Variants in DNAJB6 observed in about 807,000 individuals in gnomAD.
The protein encoded by DNAJB6 is DnaJ heat shock protein family (Hsp40) member B6.
In DNAJB6, 16 loss-of-function variants were observed where a neutral mutation model predicts 42.7. The observed-to-expected ratio is 0.37, with a 90% CI of 0.25 to 0.57. The LOEUF (loss-of-function observed/expected upper bound fraction) is 0.57, where lower values mean the gene tolerates loss of function less well. Among genes scored for constraint, DNAJB6 ranks in the 20% least tolerant of loss-of-function variants. DNAJB6 has a pLI of 0.74. For missense variants in DNAJB6, 347 were observed against 416.8 expected, an observed-to-expected ratio of 0.83 and a Z score of 1.46; for synonymous variants, 170 against 163.5, an observed-to-expected ratio of 1.04 and a Z score of -0.30.
At chr7:157,370,324 G>A (rs770944043) in intron 5 of DNAJB6, among the ~76,000 whole-genome samples, 12 of 151,946 alleles carry the variant, frequency 7.9e-5, no homozygotes, top group Non-Finnish European at 1.2e-4. Context: ...TATTAAACGG[G>A]CCCCTTCTTA....
At chr7:157,348,562 C>T (rs1798805769) in intron 1 of DNAJB6, among the ~76,000 whole-genome samples, 1 of 152,136 alleles carries the variant, frequency 6.6e-6, no homozygotes. Flanking sequence ...GCATTCCTGT[C>T]GTTTTTGATT....
At chr7:157,392,321 CTAGTTGAT>C (rs1801385546) in intron 8 of DNAJB6, among the ~76,000 whole-genome samples, 2 of 148,874 alleles carry the variant, frequency 1.3e-5, no homozygotes, top group Non-Finnish European at 3.0e-5. Flanking sequence ...CCTTTACATG[CTAGTTGAT>C]TAGTCTTTAG....
chr7:157,381,231 T>G (rs1800750124), intron 5 of DNAJB6: 1 of 152,158 alleles, frequency 6.6e-6, no homozygotes, highest in African/African-American at 2.4e-5. Context: ...ATGTATCCAC[T>G]CCCTGCTTTG....
rs1799851119 is a variant in DNAJB6, at chr7:157,366,491, T to A, written c.176-11T>A. On this transcript the variant is annotated splice_polypyrimidine_tract_variant and intron_variant, in intron 3 of 9. Transcript: ENST00000262177. ...GAACTTGGCCTTACCGACTTTTCTTTCAATTTTTAGCTAAGAAACGGGACA... is the reference window on the plus strand; with the variant it reads ...GAACTTGGCCTTACCGACTTTTCTTACAATTTTTAGCTAAGAAACGGGACA... 9 of 1,613,838 alleles carry A rather than the reference T, an allele frequency of 5.6e-6. No individual in the cohort carries two copies. The highest frequency in any genetic ancestry group is 7.6e-6 in the Non-Finnish European group (9 of 1,179,872).
chr7:157,366,457 G>A (rs1288640618), intron 3 of DNAJB6, 45 bp from the exon 4 acceptor site: 1 of 1,561,436 alleles, frequency 6.4e-7, no homozygotes, highest in Non-Finnish European at 8.8e-7. Context: ...TGAATTAAGG[G>A]TTTAAAAGGA....
chr7:157,353,028 A>G (rs955309228), intron 1 of DNAJB6, among the ~76,000 whole-genome samples: 30 of 152,166 alleles, frequency 2.0e-4, no homozygotes, highest in Non-Finnish European at 3.4e-4. Flanking sequence ...AATTCAGTCA[A>G]TTCACTTTGA....
At chr7:157,364,014 G>A (rs555945780) in intron 3 of DNAJB6, among the ~76,000 whole-genome samples, 14 of 152,278 alleles carry the variant, frequency 9.2e-5, no homozygotes, top group African/African-American at 3.4e-4. Flanking sequence ...CCAAGGTTAG[G>A]GATGGACTAA....
At chr7:157,399,016 A>G (rs545973275) in intron 8 of DNAJB6, among the ~76,000 whole-genome samples, 2 of 152,358 alleles carry the variant, frequency 1.3e-5, no homozygotes, top group East Asian at 3.9e-4. Flanking sequence ...GTTGGCTTTC[A>G]GAAAGTGGTG....
At position 157,416,411 on chromosome 7, in the gene DNAJB6, T is replaced by A. The variant is rs946554053; in HGVS notation, c.*313T>A. On this transcript the variant is annotated 3_prime_UTR_variant, in exon 10 of 10. Transcript: ENST00000262177. ...TCGGCTACTCAACCACTCCGCATGC[T>A]GCTGGAATATTTCTGGCTTTAGAAG... is the stretch of plus-strand genomic sequence containing the variant. 6.1e-6 allele frequency: 2 copies of A among 328,184 alleles called. No homozygotes were observed. Among genetic ancestry groups the A allele is most frequent in the African/African-American group, 4.2e-5 (2 of 47,912 alleles). The allele number at this position is 328,184 out of a possible 1,614,324, so 20.3% of individuals were successfully genotyped here. A position where few individuals can be genotyped will look rare whatever the true frequency, so the allele number is the denominator to read the frequency against.
intron 3 of DNAJB6, among the ~76,000 whole-genome samples, chr7:157,363,634 C>G (rs1799714354): frequency 6.6e-6 from 1 of 152,132 alleles, no homozygotes. Flanking sequence ...TTGCTCACCC[C>G]CACTGGCTTA....
intron 8 of DNAJB6, among the ~76,000 whole-genome samples, chr7:157,389,568 C>T (rs1354759987): frequency 6.6e-6 from 1 of 152,148 alleles, no homozygotes; most frequent in Non-Finnish European, 1.5e-5. Flanking sequence ...GATTTCAAAG[C>T]CTTTGGATAT....
chr7:157,370,098 AAC>A (rs1800108467), intron 5 of DNAJB6, among the ~76,000 whole-genome samples: 1 of 149,156 alleles, frequency 6.7e-6, no homozygotes, highest in African/African-American at 2.5e-5. Context: ...ATTATTATTA[AAC>A]AGGCCCCTTC....
chr7:157,390,875 A>C (rs1236801279), intron 8 of DNAJB6, among the ~76,000 whole-genome samples: 1 of 151,962 alleles, frequency 6.6e-6, no homozygotes, highest in Non-Finnish European at 1.5e-5. Flanking sequence ...TCTCTCTCTA[A>C]CCCAGGCTGG....
chr7:157,369,856 C>T (rs575008790), intron 5 of DNAJB6, among the ~76,000 whole-genome samples: 1 of 147,828 alleles, frequency 6.8e-6, no homozygotes, highest in Non-Finnish European at 1.5e-5. Flanking sequence ...ATTAAACGGG[C>T]CCCTTCTTCA....
intron 1 of DNAJB6, among the ~76,000 whole-genome samples, chr7:157,342,331 TAA>T (rs1361921401): frequency 8.7e-6 from 1 of 115,568 alleles, no homozygotes; most frequent in Non-Finnish European, 1.7e-5. Context: ...CTATCCTGGC[TAA>T]TTTTTTTTTT....
chr7:157,404,963 T>C (rs1397806957), intron 8 of DNAJB6, among the ~76,000 whole-genome samples: 3 of 152,136 alleles, frequency 2.0e-5, no homozygotes, highest in Admixed American at 6.5e-5. Flanking sequence ...AAAGGATTGG[T>C]GTAACAGTAA....
chr7:157,394,600 A>G (rs562831005), intron 8 of DNAJB6, among the ~76,000 whole-genome samples: 94 of 152,176 alleles, frequency 6.2e-4, no homozygotes, highest in Non-Finnish European at 9.4e-4. Flanking sequence ...TTCCTCCTCT[A>G]TGGACAATTT....
chr7:157,372,937 A>G (rs959026474), intron 5 of DNAJB6, among the ~76,000 whole-genome samples: 1 of 152,000 alleles, frequency 6.6e-6, no homozygotes, highest in African/African-American at 2.4e-5. Flanking sequence ...CTCTGTGTCC[A>G]TTGGATTTAA....
chr7:157,415,867 C>T lies in DNAJB6; in HGVS notation c.899-149C>T, dbSNP rs1036258568. 34 of 1,426,312 alleles carry T rather than the reference C, an allele frequency of 2.4e-5. No individual in the cohort carries two copies. In the African/African-American group the frequency reaches 3.5e-4, roughly 15 times the overall value. The allele number at this position is 1,426,312 out of a possible 1,614,324, so 88.4% of individuals were successfully genotyped here. A position where few individuals can be genotyped will look rare whatever the true frequency, so the allele number is the denominator to read the frequency against. The stretch of plus-strand genomic sequence containing the variant: ...CTCAACGTGCACCTTGGAAAGCGCC[C>T]GTTTTGAGGTTTAGCTGTGGCCAAG... On this transcript the variant is annotated intron_variant, in intron 9 of 9. Coordinates refer to ENST00000262177, the MANE Select transcript of DNAJB6 (RefSeq NM_058246.4).
Sources: allele counts gnomAD v4.1 joint callset (sites outside exome capture counted in the v4.1 genomes callset), GRCh38; gene constraint gnomAD v4.1.1; transcripts MANE v1.5; gene names NCBI Gene and HGNC (gene_info 2026-07-23, HGNC 2026-07-21).